Variants in LAMA5 observed in about 807,000 individuals in gnomAD.
LAMA5 encodes laminin subunit alpha-5.
In LAMA5, 260 loss-of-function variants were observed where a neutral mutation model predicts 433.4. That is an observed-to-expected ratio of 0.60 (90% CI 0.54 to 0.66). The LOEUF (loss-of-function observed/expected upper bound fraction) is 0.66. Ranked by LOEUF, LAMA5 falls within the 30% of genes least tolerant of loss-of-function variation. LAMA5 has a pLI of 0.00. For synonymous variants in LAMA5, 2,620 were observed against 2,226.6 expected, an observed-to-expected ratio of 1.18 and a Z score of -4.97; for missense variants, 5,378 against 5,258.5, an observed-to-expected ratio of 1.02 and a Z score of -0.70.
At position 62,312,985 on chromosome 20, in the gene LAMA5, T is replaced by C; in HGVS notation, c.8981A>G (p.Gln2994Arg). The C allele has an allele frequency of 8.2e-6, 13 of 1,581,216 alleles. No individual in the cohort carries two copies. Among genetic ancestry groups the C allele is most frequent in the Admixed American group, 1.7e-5 (1 of 58,088 alleles). ...QQSQFLCLAV[Q>R]EGSLVLLYDF... Reference sequence around the variant, plus strand: ...ATACAACAGCACGAGGCTGCCTTCTTGCACGGCCAAGCACAGGAACTGGCT... The same window carrying C: ...ATACAACAGCACGAGGCTGCCTTCTCGCACGGCCAAGCACAGGAACTGGCT... Residue 2994 changes from glutamine to arginine, a missense_variant, in exon 66 of 80, where the codon CAA becomes CGA. By Grantham distance (43) the Gln-to-Arg change is conservative (BLOSUM62 1). Transcript: ENST00000252999.
In LAMA5 at chr20:62,324,279, C is replaced by T. The variant is rs1021612748; in HGVS notation, c.5644-75G>A. 7.1e-6 allele frequency: 11 copies of T among 1,543,732 alleles called. No individual in the cohort carries two copies. The East Asian group carries it at 2.5e-4, about 35-fold the overall frequency. On this transcript the variant is annotated intron_variant, in intron 42 of 79. Coordinates refer to ENST00000252999, the MANE Select transcript of LAMA5 (RefSeq NM_005560.6). This position sits in a 1 kb window ranked among gnomAD's most constrained non-coding sequence, Gnocchi z 4.4. Reference sequence around the variant, plus strand: ...GCCGAGTCTGTGCAGCTCCCACCACCCCTGCCTCAGACTCTGTGCCCAAGG... The same window carrying T: ...GCCGAGTCTGTGCAGCTCCCACCACTCCTGCCTCAGACTCTGTGCCCAAGG...
chr20:62,344,733 G>A (rs1386298942), intron 11 of LAMA5, among the ~76,000 whole-genome samples: 3 of 151,936 alleles, frequency 2.0e-5, no homozygotes, highest in Non-Finnish European at 4.4e-5. Flanking sequence ...ACAGGTGTGA[G>A]CCACTGTGCC....
At chr20:62,316,169 G>T (rs1986909101) in intron 57 of LAMA5, 111 bp from the exon 58 acceptor site, 1 of 711,196 alleles carries the variant, frequency 1.4e-6, no homozygotes, top group South Asian at 1.7e-5. Context: ...ACAGCAGACA[G>T]ATGGACAGGG....
intron 6 of LAMA5, among the ~76,000 whole-genome samples, chr20:62,348,386 C>T (rs1282038812): frequency 6.6e-5 from 10 of 152,072 alleles, no homozygotes; most frequent in East Asian, 5.8e-4. Context: ...GGGTGGATCA[C>T]GAGGTCAGGA....
rs1300142515 is a variant in LAMA5, at chr20:62,328,998, A to G, written c.4293T>C (p.Tyr1431=). ...RNAAASLSLF[Y]NNGARPCGCH... ...AGCCACATGGACGGGCTCCGTTGTT[A>G]TAGAAGAGGGAGAGGGAAGCAGCAG... Residue 1431 remains tyrosine (Y), a synonymous_variant, in exon 34 of 80, where the codon TAT becomes TAC. Transcript: ENST00000252999. 2 of 1,612,642 alleles carry G rather than the reference A, an allele frequency of 1.2e-6. No homozygotes were observed. The highest frequency in any genetic ancestry group is 1.7e-5 in the Admixed American group (1 of 59,996).
chr20:62,344,457 T>C (rs1983054660), intron 11 of LAMA5, among the ~76,000 whole-genome samples: 1 of 151,834 alleles, frequency 6.6e-6, no homozygotes, highest in Admixed American at 6.6e-5. Flanking sequence ...GGGAGACTCT[T>C]TTTTTTTAAA....
intron 1 of LAMA5, among the ~76,000 whole-genome samples, chr20:62,362,949 AAGGTGGATCAATGTGTCT>A (rs1402442303): frequency 2.0e-5 from 3 of 152,018 alleles, no homozygotes; most frequent in Non-Finnish European, 4.4e-5. Flanking sequence ...AGTAAACCAC[AAGGTGGATCAATGTGTCT>A]AGAGCCAAAG....
At chr20:62,322,600 GC>G (rs1978464207) in intron 46 of LAMA5, 57 bp downstream of exon 46, 1 of 1,446,668 alleles carries the variant, frequency 6.9e-7, no homozygotes, top group Non-Finnish European at 9.4e-7. Context: ...TTCTCCCCAG[GC>G]CCCAACTCTA....
chr20:62,333,485 C>CAGGGTG lies in LAMA5; in HGVS notation c.3022-10_3022-5dup. The CAGGGTG allele has an allele frequency of 6.2e-7, 1 of 1,610,304 alleles. No homozygotes were observed. The highest frequency in any genetic ancestry group is 1.1e-5 in the South Asian group (1 of 90,438). On this transcript the variant is annotated splice_region_variant and splice_polypyrimidine_tract_variant and intron_variant, in intron 24 of 79. Transcript: ENST00000252999. The stretch of plus-strand genomic sequence containing the variant: ...TAGGCAGCAGAACCACGTAGTCCTG[C>CAGGGTG]AGGGTGGAGGTGGTGCTGAGAGTGG...
intron 58 of LAMA5, 108 bp from the exon 59 acceptor site, chr20:62,315,315 G>A (rs1986823836): frequency 2.1e-6 from 2 of 952,584 alleles, no homozygotes. Context: ...AACCCCCTAT[G>A]GATCGTGTGA....
chr20:62,329,928 A>G lies in LAMA5; in HGVS notation c.3980-12T>C, dbSNP rs1601342823. 2 of 1,609,366 alleles carry G rather than the reference A, an allele frequency of 1.2e-6. No homozygotes were observed. The highest frequency in any genetic ancestry group is 8.5e-7 in the Non-Finnish European group (1 of 1,179,288). On this transcript the variant is annotated splice_polypyrimidine_tract_variant and intron_variant, in intron 31 of 79. Transcript: ENST00000252999. ...GGCGTTGGCGTGGCCTGGGCGGGGG[A>G]GAAAGGCAGGGTCAGGCCCCCATCT...
rs758696633 is a variant in LAMA5 at position 62,314,753 on chromosome 20, C to CCA, written c.8197-30_8197-29dup. The CCA allele has an allele frequency of 1.9e-6, 3 of 1,612,576 alleles. No homozygotes were observed. In the Admixed American group the frequency reaches 5.0e-5, roughly 27 times the overall value. ...GCGGGGCACGGTCCATCAGCGTCCACCACCACCCTCCCTGATGTCCACCTT... is the reference window on the plus strand; with the variant it reads ...GCGGGGCACGGTCCATCAGCGTCCACCACACCACCCTCCCTGATGTCCACCTT... On this transcript the variant is annotated intron_variant, in intron 60 of 79. Transcript: ENST00000252999.
In LAMA5 at chr20:62,316,913, T is replaced by C; in HGVS notation, c.7622A>G (p.Gln2541Arg). The change falls in exon 56 of 80, where the codon CAG (glutamine) becomes CGG (arginine). Residue 2541 changes from glutamine (Q) to arginine (R), a missense_variant. By Grantham distance (43) the Gln-to-Arg change is conservative. Coordinates refer to ENST00000252999, the MANE Select transcript of LAMA5 (RefSeq NM_005560.6). ...CGTGTGGTCCGCCTGCTGCAGGGCC[T>C]GGCCAGCAGCATCCTCGGCAGCCTG... is the stretch of plus-strand genomic sequence containing the variant. Reference protein sequence around the residue: ...AVQAAEDAAGQALQQADHTWA... With the variant: ...AVQAAEDAAGRALQQADHTWA... The C allele has an allele frequency of 6.5e-7, 1 of 1,543,948 alleles. No homozygotes were observed. The highest frequency in any genetic ancestry group is 8.7e-7 in the Non-Finnish European group (1 of 1,143,076).
chr20:62,322,127 G>A lies in LAMA5; in HGVS notation c.6388C>T (p.Arg2130Cys), dbSNP rs151180846. Residue 2130 changes from arginine (R) to cysteine (C), a missense_variant, in exon 48 of 80, where the codon CGC (arginine) becomes TGC (cysteine). Physicochemically the swap from Arg to Cys is radical, Grantham distance 180. Coordinates refer to ENST00000252999, the MANE Select transcript of LAMA5 (RefSeq NM_005560.6). ...CTGAGCCCCGGGGGGCAGTTGCAGCGGCCCGTGTGAGGGTCACAGCGGCCC... is the reference window on the plus strand; with the variant it reads ...CTGAGCCCCGGGGGGCAGTTGCAGCAGCCCGTGTGAGGGTCACAGCGGCCC... ...PGGRCDPHTGRCNCPPGLSGE... is the reference protein window; with the variant it reads ...PGGRCDPHTGCCNCPPGLSGE... The A allele has an allele frequency of 1.7e-4, 273 of 1,602,876 alleles. No individual in the cohort carries two copies. In the Admixed American group the frequency reaches 1.9e-3, roughly 11 times the overall value.
In LAMA5 at chr20:62,309,855, C is replaced by G. The variant is rs761127397; in HGVS notation, c.10829-20G>C. 5 of 1,610,800 alleles carry G rather than the reference C, an allele frequency of 3.1e-6. No individual in the cohort carries two copies. Among genetic ancestry groups the G allele is most frequent in the Non-Finnish European group, 4.2e-6 (5 of 1,179,506 alleles). On this transcript the variant is annotated intron_variant, in intron 78 of 79. Transcript: ENST00000252999. ...TCATCACTGGGAGAAAGGGGGACTC[C>G]TGAGGCCAGGTGGTCCTCAGCCCAG...
chr20:62,320,703 C>A, intron 49 of LAMA5, 34 bp from the exon 50 acceptor site: 1 of 1,612,178 alleles, frequency 6.2e-7, no homozygotes, highest in Non-Finnish European at 8.5e-7. Flanking sequence ...CCTGCACTGG[C>A]CCGGGTTGGG....
intron 11 of LAMA5, among the ~76,000 whole-genome samples, chr20:62,341,826 C>CCAA (rs1481794037): frequency 3.1e-5 from 4 of 128,150 alleles, no homozygotes; most frequent in African/African-American, 1.5e-4. Context: ...TCTGATCAAC[C>CCAA]AAAAAAAAAA....
rs1211919288 is a variant in LAMA5, at chr20:62,323,819, G to A, written c.5806C>T (p.Gln1936Ter). The change falls in exon 44 of 80, where the codon CAG (glutamine) becomes TAG (stop). Residue 1936 changes from glutamine to a stop codon, truncating the protein, a stop_gained. Transcript: ENST00000252999. LOFTEE classifies it high-confidence loss of function. The stretch of plus-strand genomic sequence containing the variant: ...GCATAACCAGGTTTGCAGAGGCACT[G>A]GGTGCGGCCGCCTCGCAGGACACAG... ...EGCVLRGGRTQCLCKPGYAGA... is the reference protein window; with the variant it reads ...EGCVLRGGRT 1 of 1,610,504 alleles carries A rather than the reference G, an allele frequency of 6.2e-7. No individual in the cohort carries two copies. The highest frequency in any genetic ancestry group is 8.5e-7 in the Non-Finnish European group (1 of 1,178,930).
Position 62,316,039 on chromosome 20 carries a change from A to G in LAMA5, c.7776T>C (p.Gly2592=). Residue 2592 remains glycine (G), a synonymous_variant, in exon 58 of 80, where the codon GGT becomes GGC. Transcript: ENST00000252999. ...RLGLVWAALQ[G]ARTQLRDVRA... is the part of the protein sequence containing the mutation. ...GGACATCTCGGAGCTGGGTCCTGGCACCCTGGAGGGCAGCCCACACTGCGG... is the reference window on the plus strand; with the variant it reads ...GGACATCTCGGAGCTGGGTCCTGGCGCCCTGGAGGGCAGCCCACACTGCGG... 1 of 1,608,558 alleles carries G rather than the reference A, an allele frequency of 6.2e-7. No individual in the cohort carries two copies.
Sources: allele counts gnomAD v4.1 joint callset (sites outside exome capture counted in the v4.1 genomes callset), GRCh38; gene constraint gnomAD v4.1.1; non-coding constraint Gnocchi (gnomAD v3.1); transcripts MANE v1.5; gene names NCBI Gene and HGNC (gene_info 2026-07-23, HGNC 2026-07-21).